The following ARMCX4 variants were observed in gnomAD, a reference collection of about 807,000 sequenced individuals.
ARMCX4 encodes the protein armadillo repeat containing X-linked 4, also known as armadillo repeat-containing X-linked protein 4.
A neutral mutation model predicts 34.7 loss-of-function variants in ARMCX4; 3 were observed. The observed-to-expected ratio is 0.09, with a 90% CI of 0.04 to 0.22. ARMCX4 has a LOEUF of 0.22. ARMCX4 is among the 10% of genes least tolerant of loss of function. The probability of loss-of-function intolerance (pLI) is 1.00; values close to 1 mark genes in which losing one functional copy is unlikely to be tolerated. For synonymous variants in ARMCX4, 513 were observed against 632.8 expected, an observed-to-expected ratio of 0.81 and a Z score of 2.84; for missense variants, 1,448 against 1,720.8, an observed-to-expected ratio of 0.84 and a Z score of 2.81.
chrX:101,427,369 A>G (rs1929687084), intron 2 of ARMCX4, among the ~76,000 whole-genome samples: 1 of 109,117 alleles, frequency 9.2e-6, no homozygotes, highest in African/African-American at 3.4e-5. Context: ...TTCTGGTGAG[A>G]GCTTTCTCTC....
rs536286474 is a variant in ARMCX4, at chrX:101,470,461, C to T, written c.-472-15562C>T. Among the ~76,000 whole-genome samples, 57 of 109,847 alleles carry T rather than the reference C, an allele frequency of 5.2e-4. 1 individual carries two copies. In the South Asian group the frequency reaches 0.015, roughly 29 times the overall value. ...CCAATTAGCTGGGATTACAGGTGTG[C>T]GCCACCACACCCAGCTAATTTTTGT... On this transcript the variant is annotated intron_variant and NMD_transcript_variant, in intron 4 of 15. Coordinates refer to the ARMCX4 transcript ENST00000433011.
chrX:101,482,571 T>C (rs1256350578), upstream of ARMCX4, among the ~76,000 whole-genome samples: 1 of 7,977 alleles, frequency 1.3e-4, no homozygotes, highest in Non-Finnish European at 2.1e-4. Context: ...ATTTTTTTTT[T>C]TTAATAGACA....
intron 4 of ARMCX4, among the ~76,000 whole-genome samples, chrX:101,460,943 T>C (rs1441007332): frequency 9.0e-6 from 1 of 111,480 alleles, no homozygotes; most frequent in East Asian, 2.8e-4. Context: ...AAAACTGAAA[T>C]TACTCTAAAG....
At chrX:101,443,789 A>G (rs1931459530) in intron 2 of ARMCX4, 2 of 324,311 alleles carry the variant, frequency 6.2e-6, no homozygotes, top group African/African-American at 2.7e-5. Flanking sequence ...CCCCTTGCCA[A>G]AGATCACATG....
In ARMCX4 at chrX:101,492,139, G is replaced by A; in HGVS notation, c.3550G>A (p.Gly1184Arg). 1 of 1,153,437 alleles carries A rather than the reference G, an allele frequency of 8.7e-7. No individual in the cohort carries two copies. The highest frequency in any genetic ancestry group is 3.3e-5 in the East Asian group (1 of 30,666). Residue 1184 changes from glycine to arginine, a missense_variant, in exon 6 of 6, where the codon GGG becomes AGG. By Grantham distance (125) the Gly-to-Arg change is moderately radical (BLOSUM62 -2). This residue lies in a region of ARMCX4 where 1,343 missense variants were observed against 1,540.7 expected (regional missense o/e 0.87). Coordinates refer to ENST00000423738, the MANE Select transcript of ARMCX4 (RefSeq NM_001256155.3). ...TGGTATTGGGACTTGGGCTAGAGCT[G>A]GGGAGCAGGCCAGTGGAGGGCTCTG... ...VVGIGTWARA[G>R]EQASGGLWAG...
chrX:101,426,708 A>G (rs1259653359), intron 2 of ARMCX4, among the ~76,000 whole-genome samples: 2 of 111,408 alleles, frequency 1.8e-5, no homozygotes, highest in African/African-American at 3.3e-5. Flanking sequence ...TGAGGTAGGT[A>G]TTATTATTAT....
downstream of ARMCX4, among the ~76,000 whole-genome samples, chrX:101,535,737 T>C (rs1257378977): frequency 1.8e-5 from 2 of 111,795 alleles, no homozygotes; most frequent in Admixed American, 9.5e-5. Context: ...TAGGACACTT[T>C]CCTAAAATTA....
chrX:101,473,699 T>C (rs1933024379), intron 4 of ARMCX4, among the ~76,000 whole-genome samples: 1 of 102,635 alleles, frequency 9.7e-6, no homozygotes, highest in Admixed American at 1.1e-4. Flanking sequence ...AACCTGCTCC[T>C]GAATGACTAC....
At chrX:101,505,704 CTTT>C (rs1200046495) in intron 8 of ARMCX4, among the ~76,000 whole-genome samples, 12 of 111,869 alleles carry the variant, frequency 1.1e-4, no homozygotes, top group African/African-American at 3.9e-4. Flanking sequence ...GTACATCCTT[CTTT>C]TTTCTTTAAA....
At chrX:101,443,130 CAAAAAA>C (rs141804967) in intron 2 of ARMCX4, among the ~76,000 whole-genome samples, 2 of 49,742 alleles carry the variant, frequency 4.0e-5, no homozygotes, top group Non-Finnish European at 6.7e-5. Context: ...GACTCCGTCT[CAAAAAA>C]AAAAAAAAAA....
chrX:101,520,347 A>T (rs1302350659), intron 11 of ARMCX4, among the ~76,000 whole-genome samples: 3 of 112,311 alleles, frequency 2.7e-5, no homozygotes, highest in African/African-American at 9.7e-5. Flanking sequence ...TGGTAAGAGC[A>T]GATATCCTTG....
rs1332489058 is a variant in ARMCX4, at chrX:101,487,680, C to A, written c.-214C>A. 1.0e-6 allele frequency: 1 copy of A among 958,801 alleles called. No homozygotes were observed. Among genetic ancestry groups the A allele is most frequent in the Non-Finnish European group, 1.3e-6 (1 of 744,527 alleles). 79.0% of individuals were successfully genotyped at this position (958,801 alleles called of 1,213,427 possible). A position where few individuals can be genotyped will look rare whatever the true frequency, so the allele number is the denominator to read the frequency against. On this transcript the variant is annotated 5_prime_UTR_variant, in exon 4 of 6. Transcript: ENST00000423738. ...AAACAAAGAGGAGATTGCTCCTGAT[C>A]AGTATAGACTGGTAAGAGTGTGGGG...
chrX:101,505,811 C>A (rs1934436244), intron 8 of ARMCX4, among the ~76,000 whole-genome samples: 1 of 112,133 alleles, frequency 8.9e-6, no homozygotes, highest in Non-Finnish European at 1.9e-5. Context: ...GTTGTGCAAC[C>A]ATTACCACCA....
chrX:101,497,893 G>T (rs1934214552), downstream of ARMCX4, among the ~76,000 whole-genome samples: 1 of 111,630 alleles, frequency 9.0e-6, no homozygotes, highest in South Asian at 3.8e-4. Flanking sequence ...ACCATCTGCT[G>T]CCCTGATTCC....
intron 11 of ARMCX4, among the ~76,000 whole-genome samples, chrX:101,523,548 G>T (rs1282516921): frequency 4.5e-5 from 5 of 111,642 alleles, no homozygotes; most frequent in Non-Finnish European, 9.4e-5. Flanking sequence ...TAAAAATAAA[G>T]AAAAAATATC....
chrX:101,496,262 C>T (rs781949355), downstream of ARMCX4, among the ~76,000 whole-genome samples: 4 of 110,058 alleles, frequency 3.6e-5, no homozygotes, highest in Admixed American at 9.8e-5. Flanking sequence ...CTTTTGTGAC[C>T]GGAGGAATGA....
chrX:101,444,987 C>T (rs1931538098), intron 3 of ARMCX4, among the ~76,000 whole-genome samples: 1 of 111,926 alleles, frequency 8.9e-6, no homozygotes, highest in Admixed American at 9.6e-5. Context: ...CTTGGAATAA[C>T]ATTGCTGTCA....
chrX:101,442,464 T>A (rs965871413), intron 2 of ARMCX4, among the ~76,000 whole-genome samples: 2 of 111,672 alleles, frequency 1.8e-5, no homozygotes, highest in African/African-American at 6.5e-5. Flanking sequence ...GGAGTCAGAC[T>A]CTCAGCCACA....
At chrX:101,425,327 T>C (rs1045587641) in intron 2 of ARMCX4, among the ~76,000 whole-genome samples, 1 of 110,675 alleles carries the variant, frequency 9.0e-6, no homozygotes, top group Non-Finnish European at 1.9e-5. Flanking sequence ...TCTATTTTCA[T>C]GGAATGACGG....
Sources: gnomAD v4.1 joint callset for allele counts (sites outside exome capture counted in the v4.1 genomes callset) on GRCh38, gnomAD v4.1.1 for gene constraint, gnomAD v4.1.1 regional missense constraint, MANE v1.5 for transcripts, NCBI Gene and HGNC (gene_info 2026-07-23, HGNC 2026-07-21) for gene names.